SLC25A13: variants seen among roughly 807,000 people sequenced by gnomAD.
SLC25A13 encodes solute carrier family 25 member 13.
In SLC25A13, 70 loss-of-function variants were observed where a neutral mutation model predicts 85.5. The observed-to-expected ratio is 0.82, with a 90% CI of 0.68 to 1.00. The LOEUF is 1.00. SLC25A13 is among the 50% of genes least tolerant of loss of function. SLC25A13 has a pLI of 0.00. For missense variants in SLC25A13, 765 were observed against 819.8 expected (o/e 0.93, Z 0.82); for synonymous variants, 259 against 288.7 (o/e 0.90, Z 1.04).
chr7:96,241,599 A>G, intron 3 of SLC25A13, among the ~76,000 whole-genome samples: 1 of 152,214 alleles, frequency 6.6e-6, no homozygotes, highest in Non-Finnish European at 1.5e-5. Flanking sequence ...AGGCACACCA[A>G]AGTGTTGGCA....
chr7:96,188,655 G>A (rs1355902001), intron 9 of SLC25A13, among the ~76,000 whole-genome samples: 1 of 152,218 alleles, frequency 6.6e-6, no homozygotes, highest in Non-Finnish European at 1.5e-5. Flanking sequence ...AGCTGGGTAA[G>A]AGTTAAAGGA....
rs772252278 is a variant in SLC25A13, at chr7:96,189,661, C to T, written c.768G>A (p.Leu256=). The part of the protein sequence containing the change: ...DVEVTKEEFV[L]AAQKFGQVTP... The stretch of plus-strand genomic sequence containing the variant: ...TAACCTGACCAAATTTCTGAGCTGC[C>T]AGAACAAACTCCTCTGTATGGAAGA... Residue 256 remains leucine, a synonymous_variant, in exon 8 of 18, where the codon CTG becomes CTA. Coordinates refer to ENST00000265631, the MANE Select transcript of SLC25A13 (RefSeq NM_014251.3). 18 of 1,613,430 alleles carry T rather than the reference C, an allele frequency of 1.1e-5. No homozygotes were observed. The highest frequency in any genetic ancestry group is 1.3e-5 in the Non-Finnish European group (15 of 1,179,908).
intron 3 of SLC25A13, among the ~76,000 whole-genome samples, chr7:96,255,421 C>A (rs984866378): frequency 6.6e-6 from 1 of 152,200 alleles, no homozygotes; most frequent in African/African-American, 2.4e-5. Flanking sequence ...TGCGGTAGCT[C>A]ACACTTGTAG....
At chr7:96,251,264 C>T (rs1797414854) in intron 3 of SLC25A13, among the ~76,000 whole-genome samples, 1 of 151,964 alleles carries the variant, frequency 6.6e-6, no homozygotes, top group African/African-American at 2.4e-5. Flanking sequence ...AGGGAAAGAG[C>T]AGCAGATGAA....
rs575717497 is a variant in SLC25A13, at chr7:96,243,730, G to A, written c.213-8813C>T. On this transcript the variant is annotated intron_variant, in intron 3 of 17. Coordinates refer to ENST00000265631, the MANE Select transcript of SLC25A13 (RefSeq NM_014251.3). ...GCCAGGAAAAGAGTTGGAGGACAGGGATGTGAGGAGAAACATCAGTGCCAG... is the reference window on the plus strand; with the variant it reads ...GCCAGGAAAAGAGTTGGAGGACAGGAATGTGAGGAGAAACATCAGTGCCAG... Among the ~76,000 whole-genome samples the A allele has an allele frequency of 2.6e-5, 4 of 152,254 alleles. No homozygotes were observed. In the South Asian group the frequency reaches 8.3e-4, roughly 32 times the overall value.
chr7:96,300,922 G>A (rs1221352307), intron 1 of SLC25A13, among the ~76,000 whole-genome samples: 1 of 152,104 alleles, frequency 6.6e-6, no homozygotes, highest in Non-Finnish European at 1.5e-5. Context: ...CATTTATACT[G>A]CTACCTCCCA....
intron 3 of SLC25A13, among the ~76,000 whole-genome samples, chr7:96,274,173 C>T (rs1798353516): frequency 6.6e-6 from 1 of 151,686 alleles, no homozygotes. Flanking sequence ...GTCATCAAGG[C>T]CTTCATTTTA....
chr7:96,128,398 A>C (rs752549865), intron 15 of SLC25A13, among the ~76,000 whole-genome samples: 6 of 152,174 alleles, frequency 3.9e-5, no homozygotes, highest in Non-Finnish European at 7.3e-5. Context: ...TAACTATGAC[A>C]TTGACCACTG....
intron 3 of SLC25A13, among the ~76,000 whole-genome samples, chr7:96,254,074 T>C (rs1158385651): frequency 6.6e-6 from 1 of 152,196 alleles, no homozygotes; most frequent in African/African-American, 2.4e-5. Context: ...ACAAACATTA[T>C]ACAAATGCTG....
chr7:96,174,958 AAC>A (rs1233433262), intron 11 of SLC25A13, among the ~76,000 whole-genome samples: 2 of 152,248 alleles, frequency 1.3e-5, no homozygotes, highest in Admixed American at 6.5e-5. Context: ...AACTGGGATG[AAC>A]ACAGTGAGAC....
intron 4 of SLC25A13, among the ~76,000 whole-genome samples, chr7:96,233,177 TAGG>T (rs1796620248): frequency 6.6e-6 from 1 of 152,112 alleles, no homozygotes; most frequent in South Asian, 2.1e-4. Context: ...CTGGGGAAAG[TAGG>T]AGGACAAGAC....
intron 5 of SLC25A13, among the ~76,000 whole-genome samples, chr7:96,205,136 C>T (rs933341383): frequency 6.6e-6 from 1 of 152,100 alleles, no homozygotes; most frequent in Non-Finnish European, 1.5e-5. Flanking sequence ...TCTCGAACTC[C>T]TGACCTCATG....
At chr7:96,170,151 T>C (rs1226712050) in intron 12 of SLC25A13, 26 bp from the exon 13 acceptor site, 5 of 1,593,528 alleles carry the variant, frequency 3.1e-6, no homozygotes, top group Non-Finnish European at 4.3e-6. Flanking sequence ...TTATAGAAGC[T>C]GATGAAAAAT....
intron 14 of SLC25A13, among the ~76,000 whole-genome samples, chr7:96,140,682 C>T (rs1245070076): frequency 2.6e-5 from 4 of 151,954 alleles, no homozygotes; most frequent in Admixed American, 6.5e-5. Flanking sequence ...GGATTACAGG[C>T]GTCAGGCACC....
At chr7:96,214,689 C>T (rs1275211203) in intron 4 of SLC25A13, among the ~76,000 whole-genome samples, 1 of 151,964 alleles carries the variant, frequency 6.6e-6, no homozygotes, top group Non-Finnish European at 1.5e-5. Context: ...TGCCACTGCA[C>T]TCCAGCCTGG....
intron 3 of SLC25A13, among the ~76,000 whole-genome samples, chr7:96,266,587 T>G (rs904744733): frequency 2.6e-5 from 4 of 152,136 alleles, no homozygotes; most frequent in African/African-American, 9.7e-5. Context: ...CAATCAGCAA[T>G]CAACCCTTTC....
intron 10 of SLC25A13, chr7:96,184,677 C>G: frequency 1.6e-6 from 1 of 629,414 alleles, no homozygotes; most frequent in East Asian, 2.7e-5. Context: ...ACAGCCCAAC[C>G]TCATTAGTAA....
intron 6 of SLC25A13, among the ~76,000 whole-genome samples, 153 bp downstream of exon 6, chr7:96,192,882 AAC>A (rs1194340305): frequency 6.6e-6 from 1 of 152,148 alleles, no homozygotes; most frequent in East Asian, 1.9e-4. Flanking sequence ...AACTAGCCAA[AAC>A]ACACTCTTTG....
chr7:96,141,665 G>T (rs1792569753), intron 14 of SLC25A13, among the ~76,000 whole-genome samples: 1 of 152,184 alleles, frequency 6.6e-6, no homozygotes, highest in Non-Finnish European at 1.5e-5. Context: ...CAGAAAACTA[G>T]AATGGCAATG....
Sources: allele counts gnomAD v4.1 joint callset (sites outside exome capture counted in the v4.1 genomes callset), GRCh38; gene constraint gnomAD v4.1.1; transcripts MANE v1.5; gene names NCBI Gene and HGNC (gene_info 2026-07-23, HGNC 2026-07-21).